PCDHA3: variants seen among roughly 807,000 people sequenced by gnomAD.
PCDHA3 encodes protocadherin alpha 3.
Under a neutral mutation model 62.2 loss-of-function variants are expected in PCDHA3, and 41 were observed. That is an observed-to-expected ratio of 0.66 (90% CI 0.51 to 0.86). The LOEUF is 0.86. Ranked by LOEUF, PCDHA3 falls within the 40% of genes least tolerant of loss-of-function variation. The pLI, the probability that PCDHA3 is intolerant of heterozygous loss-of-function variation, is 0.00. For missense variants in PCDHA3, 1,304 were observed against 1,241.2 expected (o/e 1.05, Z -0.76); for synonymous variants, 640 against 555.4 (o/e 1.15, Z -2.14).
At chr5:140,893,434 C>G (rs1554185617) in intron 1 of PCDHA3, among the ~76,000 whole-genome samples, 1 of 152,042 alleles carries the variant, frequency 6.6e-6, no homozygotes, top group African/African-American at 2.4e-5. Context: ...AGGAAGATCG[C>G]TTGAAGCCAG....
chr5:140,986,018 C>T (rs943946792), intron 3 of PCDHA3, among the ~76,000 whole-genome samples: 2 of 152,110 alleles, frequency 1.3e-5, no homozygotes, highest in African/African-American at 2.4e-5. Flanking sequence ...GGATTACAGG[C>T]GTGAGCCACT....
chr5:140,882,189 T>C, intron 1 of PCDHA3: 2 of 1,519,304 alleles, frequency 1.3e-6, no homozygotes, highest in Admixed American at 2.2e-5. Flanking sequence ...TAGGAAGCCA[T>C]AAAAATTGGG....
intron 3 of PCDHA3, among the ~76,000 whole-genome samples, chr5:140,990,648 A>G (rs2097404919): frequency 2.0e-5 from 3 of 152,220 alleles, no homozygotes; most frequent in Admixed American, 1.3e-4. Flanking sequence ...CTCAGCCAGT[A>G]TGAATGATTT....
At chr5:140,919,925 G>A (rs2079351459) in intron 1 of PCDHA3, among the ~76,000 whole-genome samples, 1 of 152,124 alleles carries the variant, frequency 6.6e-6, no homozygotes, top group African/African-American at 2.4e-5. Flanking sequence ...AAATTTTCAG[G>A]TGGGGGCTAA....
chr5:141,007,478 G>A (rs1041976706), intron 3 of PCDHA3, among the ~76,000 whole-genome samples: 5 of 151,620 alleles, frequency 3.3e-5, no homozygotes, highest in Admixed American at 6.6e-5. Context: ...TGAGGCACGA[G>A]AATTACTTGG....
At chr5:140,883,781 T>C (rs1156481556) in intron 1 of PCDHA3, 1 of 1,612,432 alleles carries the variant, frequency 6.2e-7, no homozygotes, top group Non-Finnish European at 8.5e-7. Flanking sequence ...GCGTGCGCTG[T>C]CGAGCTACGT....
Position 140,801,118 on chromosome 5 carries a change from G to T in PCDHA3, c.-80G>T. On this transcript the variant is annotated 5_prime_UTR_variant, in exon 1 of 4. Coordinates refer to ENST00000522353, the MANE Select transcript of PCDHA3 (RefSeq NM_018906.3). ...TAAAATTTAACACCGAGGAGTTTAAGAAATGAAGATAAGGAACTCGAATTA... is the reference window on the plus strand; with the variant it reads ...TAAAATTTAACACCGAGGAGTTTAATAAATGAAGATAAGGAACTCGAATTA... 1 of 1,515,660 alleles carries T rather than the reference G, an allele frequency of 6.6e-7. No individual in the cohort carries two copies. Among genetic ancestry groups the T allele is most frequent in the Non-Finnish European group, 8.8e-7 (1 of 1,137,116 alleles). The allele number at this position is 1,515,660 out of a possible 1,614,324, so 93.9% of individuals were successfully genotyped here. A position where few individuals can be genotyped will look rare whatever the true frequency, so the allele number is the denominator to read the frequency against.
At position 140,851,351 on chromosome 5, in the gene PCDHA3, G is replaced by A. The variant is rs2042034892; in HGVS notation, c.2394+47760G>A. ...GTAGTTCTCTACATTTCTCTGGATG[G>A]AGACTGTGAACATCTGATTGTTCAG... is the stretch of plus-strand genomic sequence containing the variant. On this transcript the variant is annotated intron_variant, in intron 1 of 3. Coordinates refer to ENST00000522353, the MANE Select transcript of PCDHA3 (RefSeq NM_018906.3). The A allele has an allele frequency of 7.2e-6, 7 of 975,904 alleles. 1 individual carries two copies. Among genetic ancestry groups the A allele is most frequent in the Non-Finnish European group, 8.7e-6 (7 of 803,048 alleles). The allele number at this position is 975,904 out of a possible 1,614,324, so 60.5% of individuals were successfully genotyped here. A position where few individuals can be genotyped will look rare whatever the true frequency, so the allele number is the denominator to read the frequency against.
intron 1 of PCDHA3, chr5:140,807,830 A>T (rs1554124299): frequency 6.2e-7 from 1 of 1,614,204 alleles, no homozygotes; most frequent in Non-Finnish European, 8.5e-7. Flanking sequence ...GCTCACAGCC[A>T]CTGATGGAGG....
At chr5:140,822,633 C>G (rs143650923) in intron 1 of PCDHA3, 5 of 1,610,466 alleles carry the variant, frequency 3.1e-6, no homozygotes, top group Non-Finnish European at 4.2e-6. Flanking sequence ...TTGTTCTTGA[C>G]GATGTAAAGT....
intron 3 of PCDHA3, among the ~76,000 whole-genome samples, chr5:141,001,895 G>T (rs1390745542): frequency 3.9e-5 from 6 of 152,208 alleles, no homozygotes; most frequent in Non-Finnish European, 8.8e-5. Context: ...AGAAATCGGG[G>T]CTGTTTGAAA....
chr5:140,870,572 C>T (rs782477275), intron 1 of PCDHA3: 1 of 1,613,946 alleles, frequency 6.2e-7, no homozygotes, highest in Non-Finnish European at 8.5e-7. Context: ...GCGCTGGTGT[C>T]CTACTCGCTG....
Position 140,862,950 on chromosome 5 carries a change from G to T in PCDHA3, c.2394+59359G>T, listed in dbSNP as rs559605019. The T allele has an allele frequency of 5.5e-6, 3 of 541,462 alleles. No homozygotes were observed. The East Asian group carries it at 1.4e-4, about 26-fold the overall frequency. 33.5% of individuals were successfully genotyped at this position (541,462 alleles called of 1,614,324 possible). A position where few individuals can be genotyped will look rare whatever the true frequency, so the allele number is the denominator to read the frequency against. ...GGCGGCGCTGTGAGTGAGCTGGTGC[G>T]GTATTCAGTGGATGCAGGCCACTTG... On this transcript the variant is annotated intron_variant, in intron 1 of 3. Coordinates refer to ENST00000522353, the MANE Select transcript of PCDHA3 (RefSeq NM_018906.3).
chr5:140,993,267 T>C (rs1554253547), intron 3 of PCDHA3, among the ~76,000 whole-genome samples: 1 of 152,166 alleles, frequency 6.6e-6, no homozygotes, highest in Non-Finnish European at 1.5e-5. Context: ...ATTAGCTTCT[T>C]TGGTCTTTTC....
intron 1 of PCDHA3, among the ~76,000 whole-genome samples, chr5:140,932,839 C>T (rs138437913): frequency 6.6e-6 from 1 of 151,940 alleles, no homozygotes; most frequent in East Asian, 1.9e-4. Flanking sequence ...GACAATGTGT[C>T]TCATAATGTT....
intron 1 of PCDHA3, among the ~76,000 whole-genome samples, chr5:140,821,244 T>C (rs186951074): frequency 6.6e-6 from 1 of 152,324 alleles, no homozygotes; most frequent in African/African-American, 2.4e-5. Flanking sequence ...AAGTCAAAAC[T>C]TTAACTCTTA....
At chr5:140,836,244 C>T (rs2150256239) in intron 1 of PCDHA3, 3 of 1,613,684 alleles carry the variant, frequency 1.9e-6, no homozygotes, top group South Asian at 2.2e-5. Flanking sequence ...TGCGAGCATC[C>T]CGTTCCGCGT....
chr5:140,985,859 C>T (rs2153837183), intron 3 of PCDHA3, among the ~76,000 whole-genome samples: 1 of 151,736 alleles, frequency 6.6e-6, no homozygotes, highest in African/African-American at 2.4e-5. Context: ...CCTGCCTCAG[C>T]CTCCTGAGTA....
At chr5:141,005,633 C>T (rs1292206901) in intron 3 of PCDHA3, among the ~76,000 whole-genome samples, 2 of 126,368 alleles carry the variant, frequency 1.6e-5, no homozygotes. Context: ...ACCCGGGAGG[C>T]GGAGCTTGCA....
Sources: gnomAD v4.1 joint callset for allele counts (sites outside exome capture counted in the v4.1 genomes callset) on GRCh38, gnomAD v4.1.1 for gene constraint, MANE v1.5 for transcripts, NCBI Gene and HGNC (gene_info 2026-07-23, HGNC 2026-07-21) for gene names.